Variants in DPP10 observed in about 807,000 individuals in gnomAD.
The protein encoded by DPP10 is inactive dipeptidyl peptidase 10.
Under a neutral mutation model 120.9 loss-of-function variants are expected in DPP10, and 33 were observed. That is an observed-to-expected ratio of 0.27 (90% confidence interval 0.21 to 0.37). The LOEUF is 0.37. Among genes scored for constraint, DPP10 ranks in the 10% least tolerant of loss-of-function variants. The pLI is 1.00. For synonymous variants in DPP10, 337 were observed against 326.1 expected, an observed-to-expected ratio of 1.03 and a Z score of -0.36; for missense variants, 816 against 942.8, an observed-to-expected ratio of 0.87 and a Z score of 1.76.
intron 1 of DPP10, among the ~76,000 whole-genome samples, chr2:114,651,117 G>A (rs2105484374): frequency 6.6e-6 from 1 of 152,188 alleles, no homozygotes; most frequent in Middle Eastern, 3.4e-3. Flanking sequence ...GTTTATGGTT[G>A]TGTCACTTGC....
chr2:114,547,285 G>C (rs978163567), intron 1 of DPP10, among the ~76,000 whole-genome samples: 1 of 152,156 alleles, frequency 6.6e-6, no homozygotes, highest in African/African-American at 2.4e-5. Context: ...CCACTTTGCT[G>C]CTCCTCCACT....
At chr2:115,814,494 G>C (rs1365606348) in intron 19 of DPP10, among the ~76,000 whole-genome samples, 1 of 152,054 alleles carries the variant, frequency 6.6e-6, no homozygotes, top group Non-Finnish European at 1.5e-5. Context: ...CTTTGGGAGA[G>C]TATCATCCAT....
At chr2:114,573,001 G>A (rs778628331) in intron 1 of DPP10, among the ~76,000 whole-genome samples, 35 of 152,150 alleles carry the variant, frequency 2.3e-4, no homozygotes, top group Non-Finnish European at 1.3e-4. Context: ...GTTTATTTCT[G>A]AGACAAGGTC....
rs182587253 is a variant in DPP10 at position 115,359,899 on chromosome 2, C to G, written c.271+15987C>G. Among the ~76,000 whole-genome samples, 306 of 152,206 alleles carry G rather than the reference C, an allele frequency of 2.0e-3. 3 individuals are homozygous for G. The South Asian group carries it at 0.029, about 15-fold the overall frequency. The stretch of plus-strand genomic sequence containing the variant: ...GATTATTTCCTCAGCATTGTCTATT[C>G]TATTTTTAATGCTTCTAATTATATT... On this transcript the variant is annotated intron_variant, in intron 3 of 25. Transcript: ENST00000410059.
chr2:115,698,071 G>T (rs896249076), intron 7 of DPP10, among the ~76,000 whole-genome samples: 1 of 152,096 alleles, frequency 6.6e-6, no homozygotes, highest in Non-Finnish European at 1.5e-5. Flanking sequence ...CAGCGTACAC[G>T]TTCTTTCACG....
intron 1 of DPP10, among the ~76,000 whole-genome samples, chr2:114,587,158 GGGCATGGT>G (rs1573726684): frequency 6.6e-6 from 1 of 151,832 alleles, no homozygotes; most frequent in Admixed American, 6.6e-5. Flanking sequence ...AAAATTAGCC[GGGCATGGT>G]GGCGCGTGCC....
At chr2:115,151,251 T>A (rs893396418) in intron 1 of DPP10, among the ~76,000 whole-genome samples, 3 of 152,222 alleles carry the variant, frequency 2.0e-5, no homozygotes, top group African/African-American at 7.2e-5. Context: ...AGTTCCTTTT[T>A]AACTCAAGTA....
chr2:114,864,007 T>C (rs1448147374), intron 1 of DPP10, among the ~76,000 whole-genome samples: 9 of 152,172 alleles, frequency 5.9e-5, no homozygotes, highest in East Asian at 3.9e-4. Flanking sequence ...GGGGATATTG[T>C]ATTTGGAAAC....
At chr2:115,103,289 G>A (rs2104632878) in intron 1 of DPP10, among the ~76,000 whole-genome samples, 1 of 149,098 alleles carries the variant, frequency 6.7e-6, no homozygotes, top group East Asian at 2.0e-4. Context: ...CCGGGTTCAT[G>A]CCATTCTCCT....
chr2:114,749,230 C>T (rs1003572165), intron 1 of DPP10, among the ~76,000 whole-genome samples: 93 of 149,968 alleles, frequency 6.2e-4, no homozygotes, highest in African/African-American at 1.4e-3. Flanking sequence ...TCATGTCCTT[C>T]GCCCACTTTT....
chr2:114,578,103 A>G (rs1056616096), intron 1 of DPP10, among the ~76,000 whole-genome samples: 1 of 152,218 alleles, frequency 6.6e-6, no homozygotes, highest in African/African-American at 2.4e-5. Flanking sequence ...TTGGCAAAAA[A>G]CATAATAGAT....
intron 1 of DPP10, among the ~76,000 whole-genome samples, chr2:115,202,332 T>A (rs920293950): frequency 4.6e-5 from 7 of 152,214 alleles, no homozygotes; most frequent in Non-Finnish European, 8.8e-5. Context: ...CACTCTAGTT[T>A]GTCACAAAAT....
intron 1 of DPP10, among the ~76,000 whole-genome samples, chr2:114,640,079 A>G (rs1452759342): frequency 6.6e-6 from 1 of 151,982 alleles, no homozygotes; most frequent in Admixed American, 6.5e-5. Context: ...GCAAAATGGA[A>G]CATTTCAGCT....
chr2:114,655,838 G>C (rs1183090532), intron 1 of DPP10, among the ~76,000 whole-genome samples: 1 of 151,992 alleles, frequency 6.6e-6, no homozygotes, highest in Admixed American at 6.6e-5. Flanking sequence ...CATTACAAAG[G>C]AATCTCATTG....
In DPP10 at chr2:115,141,140, T is replaced by C. The variant is rs143092138; in HGVS notation, c.61-168099T>C. On this transcript the variant is annotated intron_variant, in intron 1 of 25. Coordinates refer to ENST00000410059, the MANE Select transcript of DPP10 (RefSeq NM_020868.6). The stretch of plus-strand genomic sequence containing the variant: ...TTAGAAATATTTTATCTTCTAAACA[T>C]TATAGGGGTAGGGATGTTATGGCCA... 2.2e-3 allele frequency among the ~76,000 whole-genome samples: 337 copies of C among 152,248 alleles called. 1 individual carries two copies. Among genetic ancestry groups the C allele is most frequent in the African/African-American group, 7.1e-3 (296 of 41,540 alleles).
At chr2:114,501,891 T>A (rs1381866082) in intron 1 of DPP10, among the ~76,000 whole-genome samples, 1 of 151,662 alleles carries the variant, frequency 6.6e-6, no homozygotes, top group Non-Finnish European at 1.5e-5. Flanking sequence ...ACCATTAAAG[T>A]GAGGATACGA....
At chr2:115,302,251 A>T (rs1343206527) in intron 1 of DPP10, among the ~76,000 whole-genome samples, 1 of 151,928 alleles carries the variant, frequency 6.6e-6, no homozygotes, top group Non-Finnish European at 1.5e-5. Flanking sequence ...AGTTGATCCC[A>T]CTAGGCCCCT....
intron 1 of DPP10, among the ~76,000 whole-genome samples, chr2:114,458,264 G>A (rs1317985175): frequency 6.6e-6 from 1 of 152,038 alleles, no homozygotes; most frequent in African/African-American, 2.4e-5. Flanking sequence ...ATCTTGCTTG[G>A]CAATCTTCAA....
Position 115,043,680 on chromosome 2 carries a change from C to T in DPP10, c.61-265559C>T, listed in dbSNP as rs528479854. On this transcript the variant is annotated intron_variant, in intron 1 of 25. Transcript: ENST00000410059. ...CATCAGTACTCACTAGCAAGTCAAA[C>T]ATCATGAAGGAAAAAAGCTAAAGAA... Among the ~76,000 whole-genome samples, 12 of 152,154 alleles carry T rather than the reference C, an allele frequency of 7.9e-5. 1 individual carries two copies. In the South Asian group the frequency reaches 2.3e-3, roughly 29 times the overall value.
Sources: gnomAD v4.1 joint callset for allele counts (sites outside exome capture counted in the v4.1 genomes callset) on GRCh38, gnomAD v4.1.1 for gene constraint, MANE v1.5 for transcripts, NCBI Gene and HGNC (gene_info 2026-07-23, HGNC 2026-07-21) for gene names.